NR6A1: variants seen among roughly 807,000 people sequenced by gnomAD.
The protein encoded by NR6A1 is nuclear receptor subfamily 6 group A member 1, also known as retinoic acid receptor-related testis-associated receptor.
Under a neutral mutation model 59.1 loss-of-function variants are expected in NR6A1, and 7 were observed. That is an observed-to-expected ratio of 0.12 (90% confidence interval 0.07 to 0.22). NR6A1 has a LOEUF of 0.22. Among genes scored for constraint, NR6A1 ranks in the 10% least tolerant of loss-of-function variants. NR6A1 has a pLI of 1.00. For synonymous variants in NR6A1, 243 were observed against 236.1 expected (o/e 1.03, Z -0.27); for missense variants, 468 against 611.6 (o/e 0.77, Z 2.48).
intron 9 of NR6A1, 76 bp downstream of exon 9, chr9:124,524,645 A>C: frequency 6.5e-7 from 1 of 1,537,838 alleles, no homozygotes; most frequent in African/African-American, 1.4e-5. Context: ...GCACCCTGAA[A>C]ACACTGCTTG....
At chr9:124,587,636 G>A (rs939486184) in intron 2 of NR6A1, among the ~76,000 whole-genome samples, 4 of 152,152 alleles carry the variant, frequency 2.6e-5, no homozygotes, top group East Asian at 3.8e-4. Flanking sequence ...AAACACAGAC[G>A]TGTGCATTAT....
chr9:124,709,816 C>T (rs756125896), intron 2 of NR6A1, among the ~76,000 whole-genome samples: 7 of 151,788 alleles, frequency 4.6e-5, no homozygotes, highest in Non-Finnish European at 1.0e-4. Context: ...GCACCTATAA[C>T]CCCAGCTACT....
rs1244724737 is a variant in NR6A1, at chr9:124,714,114, T to G, written c.142+19194A>C. Among the ~76,000 whole-genome samples the G allele has an allele frequency of 3.3e-5, 5 of 152,322 alleles. No individual in the cohort carries two copies. The East Asian group carries it at 9.6e-4, about 29-fold the overall frequency. On this transcript the variant is annotated intron_variant, in intron 2 of 9. Coordinates refer to ENST00000487099, the MANE Select transcript of NR6A1 (RefSeq NM_033334.4). ...ACAACATAGATAAACTTTAGGCACA[T>G]TATGCTAAGGGAAATAAGCCAGTTA... is the stretch of plus-strand genomic sequence containing the variant.
intron 2 of NR6A1, among the ~76,000 whole-genome samples, chr9:124,587,110 G>A (rs1834959695): frequency 6.6e-6 from 1 of 152,192 alleles, no homozygotes; most frequent in African/African-American, 2.4e-5. Flanking sequence ...CATCAACACT[G>A]CAGCAAGATC....
intron 2 of NR6A1, among the ~76,000 whole-genome samples, chr9:124,585,282 T>C (rs1304394801): frequency 6.6e-6 from 1 of 152,176 alleles, no homozygotes; most frequent in Non-Finnish European, 1.5e-5. Flanking sequence ...GGCTCATGCC[T>C]GTAATCCCAG....
At chr9:124,674,417 T>C in intron 2 of NR6A1, among the ~76,000 whole-genome samples, 1 of 152,200 alleles carries the variant, frequency 6.6e-6, no homozygotes, top group Non-Finnish European at 1.5e-5. Flanking sequence ...TTAATACCTG[T>C]GTGATCTTGG....
intron 2 of NR6A1, among the ~76,000 whole-genome samples, chr9:124,566,989 T>G (rs1316358751): frequency 6.6e-6 from 1 of 150,600 alleles, no homozygotes; most frequent in Non-Finnish European, 1.5e-5. Context: ...GCGCCTGTAG[T>G]CCCAGCTACT....
At chr9:124,752,284 T>C in intron 1 of NR6A1, among the ~76,000 whole-genome samples, 1 of 151,820 alleles carries the variant, frequency 6.6e-6, no homozygotes, top group East Asian at 1.9e-4. Flanking sequence ...AACAAAAAAA[T>C]TAAATAAGAA....
chr9:124,639,375 A>G (rs2130897583), intron 2 of NR6A1, among the ~76,000 whole-genome samples: 1 of 152,320 alleles, frequency 6.6e-6, no homozygotes, highest in Non-Finnish European at 1.5e-5. Context: ...AGCACTTTAC[A>G]TGTAAACTCT....
chr9:124,534,692 G>A (rs1833202648), intron 7 of NR6A1, among the ~76,000 whole-genome samples: 2 of 152,312 alleles, frequency 1.3e-5, no homozygotes, highest in Non-Finnish European at 2.9e-5. Context: ...AGGCAGGCAG[G>A]CATATGCTCA....
intron 4 of NR6A1, among the ~76,000 whole-genome samples, chr9:124,542,968 T>C (rs1255946125): frequency 6.6e-6 from 1 of 152,204 alleles, no homozygotes; most frequent in Non-Finnish European, 1.5e-5. Context: ...TGCTGGCAAG[T>C]AAGAACAACG....
chr9:124,624,874 T>C (rs1336920077), intron 2 of NR6A1, among the ~76,000 whole-genome samples: 2 of 151,388 alleles, frequency 1.3e-5, no homozygotes, highest in African/African-American at 4.9e-5. Flanking sequence ...TGTCCTGCTC[T>C]AATTACTTTT....
intron 2 of NR6A1, among the ~76,000 whole-genome samples, chr9:124,679,050 A>G (rs1334912207): frequency 6.6e-6 from 1 of 152,154 alleles, no homozygotes; most frequent in African/African-American, 2.4e-5. Flanking sequence ...AAAATAAAAG[A>G]AAAGGCCCCC....
chr9:124,599,586 C>CGCG (rs1043863054), intron 2 of NR6A1: 467 of 1,141,906 alleles, frequency 4.1e-4, no homozygotes, highest in Middle Eastern at 2.3e-3. Flanking sequence ...GCCATGAGGG[C>CGCG]GCGGCGGCGG....
intron 1 of NR6A1, among the ~76,000 whole-genome samples, chr9:124,757,665 A>AC (rs904700656): frequency 2.0e-5 from 3 of 152,198 alleles, no homozygotes; most frequent in Non-Finnish European, 4.4e-5. Context: ...TCAAGCACAG[A>AC]CAGACCCTCA....
Position 124,725,750 on chromosome 9 carries a change from G to C in NR6A1, c.142+7558C>G, listed in dbSNP as rs1209670125. ...CCCAGGAGTTTGAGACCAGCCTGGA[G>C]AGCATGGCAAAAATTCGTCTCTAGT... On this transcript the variant is annotated intron_variant, in intron 2 of 9. Transcript: ENST00000487099. Among the ~76,000 whole-genome samples the C allele has an allele frequency of 2.0e-5, 3 of 152,174 alleles. No homozygotes were observed. The South Asian group carries it at 6.2e-4, about 31-fold the overall frequency.
intron 2 of NR6A1, among the ~76,000 whole-genome samples, chr9:124,712,513 C>G (rs1839308502): frequency 6.6e-6 from 1 of 151,676 alleles, no homozygotes; most frequent in Non-Finnish European, 1.5e-5. Context: ...GAGGCTAAGG[C>G]ACAAGAATCG....
chr9:124,689,402 T>C (rs1355828992), intron 2 of NR6A1, among the ~76,000 whole-genome samples: 5 of 106,324 alleles, frequency 4.7e-5, no homozygotes, highest in African/African-American at 2.1e-4. Context: ...TTAACTATGG[T>C]CATTTTAAAG....
In NR6A1 at chr9:124,709,928, A is replaced by G. The variant is rs144754452; in HGVS notation, c.142+23380T>C. Reference sequence around the variant, plus strand: ...GCCACTGCACTCCAGCCTGAGCAACAAAGTGAGATTCCATCTCGAAAAAAA... The same window carrying G: ...GCCACTGCACTCCAGCCTGAGCAACGAAGTGAGATTCCATCTCGAAAAAAA... On this transcript the variant is annotated intron_variant, in intron 2 of 9. Transcript: ENST00000487099. Among the ~76,000 whole-genome samples, 351 of 151,888 alleles carry G rather than the reference A, an allele frequency of 2.3e-3. 1 individual carries two copies. Among genetic ancestry groups the G allele is most frequent in the African/African-American group, 8.0e-3 (332 of 41,358 alleles).
Sources: allele counts gnomAD v4.1 joint callset (sites outside exome capture counted in the v4.1 genomes callset), GRCh38; gene constraint gnomAD v4.1.1; transcripts MANE v1.5; gene names NCBI Gene and HGNC (gene_info 2026-07-23, HGNC 2026-07-21).